Variants in LARGE1 observed in about 807,000 individuals in gnomAD.
LARGE1 encodes the protein LARGE xylosyl- and glucuronyltransferase 1.
A neutral mutation model predicts 87.6 loss-of-function variants in LARGE1; 43 were observed. The ratio of observed to expected loss-of-function variants is 0.49; its 90% CI spans 0.38 to 0.63. The LOEUF (loss-of-function observed/expected upper bound fraction) is 0.63. Ranked by LOEUF, LARGE1 falls within the 30% of genes least tolerant of loss-of-function variation. The pLI is 0.00. For synonymous variants in LARGE1, 434 were observed against 394.6 expected, an observed-to-expected ratio of 1.10 and a Z score of -1.18; for missense variants, 802 against 1,000.2, an observed-to-expected ratio of 0.80 and a Z score of 2.67.
At chr22:33,116,757 G>A in the LARGE1 span, among the ~76,000 whole-genome samples, 10,652 of 152,218 alleles carry the variant, frequency 0.07, 522 homozygotes, top group Middle Eastern at 0.17. Flanking sequence ...TTTTTAGCAC[G>A]CTGTGAGGTT....
At chr22:33,182,232 T>A (rs890856309) in intron 11 of LARGE1, among the ~76,000 whole-genome samples, 45 of 152,148 alleles carry the variant, frequency 3.0e-4, no homozygotes, top group African/African-American at 1.1e-3. Flanking sequence ...AATATTTGAG[T>A]TTAGAATTTT....
intron 11 of LARGE1, among the ~76,000 whole-genome samples, chr22:33,167,047 T>C (rs919527218): frequency 6.6e-6 from 1 of 152,208 alleles, no homozygotes; most frequent in Admixed American, 6.5e-5. Context: ...GTGAATGTAA[T>C]TCCAAAAGCA....
chr22:33,560,347 G>A (rs2077818086), intron 6 of LARGE1, among the ~76,000 whole-genome samples: 1 of 152,142 alleles, frequency 6.6e-6, no homozygotes, highest in African/African-American at 2.4e-5. Context: ...CCAGTGGCAT[G>A]GCACATCTGC....
At chr22:33,403,669 T>G (rs1371367033) in intron 7 of LARGE1, among the ~76,000 whole-genome samples, 1 of 152,090 alleles carries the variant, frequency 6.6e-6, no homozygotes, top group East Asian at 1.9e-4. Flanking sequence ...AGTGGCGCGA[T>G]CTCGGCTCAC....
chr22:33,231,231 G>T (rs1453672024), intron 11 of LARGE1, among the ~76,000 whole-genome samples: 1 of 152,158 alleles, frequency 6.6e-6, no homozygotes, highest in Non-Finnish European at 1.5e-5. Context: ...AATCATGCAA[G>T]CCACGTGCCC....
At position 33,216,991 on chromosome 22, in the gene LARGE1, T is replaced by C. The variant is rs148308652; in HGVS notation, c.1731-50159A>G. On this transcript the variant is annotated intron_variant, in intron 11 of 11. Transcript: ENST00000608642. Reference sequence around the variant, plus strand: ...CAATAAGCATTTCACCCTTCTAAGATTGGCAAAAGTTAAAACGTCGGACAG... The same window carrying C: ...CAATAAGCATTTCACCCTTCTAAGACTGGCAAAAGTTAAAACGTCGGACAG... Among the ~76,000 whole-genome samples, 15 of 152,252 alleles carry C rather than the reference T, an allele frequency of 9.9e-5. 1 individual carries two copies. The highest frequency in any genetic ancestry group is 9.7e-4 in the East Asian group (5 of 5,176).
chr22:33,396,084 G>A (rs1169110852), intron 7 of LARGE1, among the ~76,000 whole-genome samples: 1 of 152,168 alleles, frequency 6.6e-6, no homozygotes, highest in Non-Finnish European at 1.5e-5. Context: ...ATGAAGATTT[G>A]CTCCTTAGTC....
chr22:33,817,479 A>T (rs1427113948), intron 1 of LARGE1, among the ~76,000 whole-genome samples: 1 of 151,874 alleles, frequency 6.6e-6, no homozygotes, highest in Non-Finnish European at 1.5e-5. Flanking sequence ...CGTGGGGCAG[A>T]CCCCACAACC....
At chr22:33,853,938 G>T (rs1027663553) in intron 1 of LARGE1, among the ~76,000 whole-genome samples, 14 of 152,118 alleles carry the variant, frequency 9.2e-5, no homozygotes, top group African/African-American at 3.4e-4. Flanking sequence ...AAGCAAATGC[G>T]AAAGTGAAAC....
chr22:33,207,918 A>C (rs1017592442), intron 11 of LARGE1, among the ~76,000 whole-genome samples: 1 of 152,162 alleles, frequency 6.6e-6, no homozygotes, highest in East Asian at 1.9e-4. Flanking sequence ...TAAAGGCACA[A>C]TTACTCCATA....
At chr22:33,448,038 G>A (rs1014534879) in intron 6 of LARGE1, among the ~76,000 whole-genome samples, 1 of 151,870 alleles carries the variant, frequency 6.6e-6, no homozygotes, top group South Asian at 2.1e-4. Flanking sequence ...TGATATATTC[G>A]GAATAGCCAA....
chr22:33,252,906 C>T (rs904565788), intron 11 of LARGE1, among the ~76,000 whole-genome samples: 2 of 152,148 alleles, frequency 1.3e-5, no homozygotes, highest in East Asian at 1.9e-4. Context: ...TGGTCTTTGA[C>T]CAAAGTGTGA....
Position 33,650,611 on chromosome 22 carries a change from G to T in LARGE1, c.164C>A (p.Thr55Lys), listed in dbSNP as rs766363552. ...LESQAHSPRYTASSQRERESL... is the reference protein window; with the variant it reads ...LESQAHSPRYKASSQRERESL... The stretch of plus-strand genomic sequence containing the variant: ...CTCGCGCTCCCGCTGGCTGGAGGCC[G>T]TGTACCTGGGGCTGTGTGCCTGGGA... The change falls in exon 3 of 15, where the codon ACG (threonine) becomes AAG (lysine). Residue 55 changes from threonine (T) to lysine (K), a missense_variant. Coordinates refer to ENST00000397394, the MANE Select transcript of LARGE1 (RefSeq NM_133642.5). The T allele has an allele frequency of 4.4e-6, 7 of 1,604,222 alleles. No homozygotes were observed. Among genetic ancestry groups the T allele is most frequent in the Non-Finnish European group, 5.1e-6 (6 of 1,179,938 alleles).
chr22:33,200,391 G>A (rs1236962529), intron 11 of LARGE1, among the ~76,000 whole-genome samples: 3 of 152,174 alleles, frequency 2.0e-5, no homozygotes, highest in African/African-American at 7.2e-5. Context: ...CGTCGCTGGT[G>A]GGAATGTAAA....
intron 6 of LARGE1, among the ~76,000 whole-genome samples, chr22:33,508,841 G>C (rs1333267075): frequency 1.3e-5 from 2 of 152,156 alleles, no homozygotes; most frequent in Non-Finnish European, 2.9e-5. Flanking sequence ...ATATGGCAGG[G>C]AAGTGTGGGA....
the LARGE1 span, among the ~76,000 whole-genome samples, chr22:33,138,978 C>T: frequency 6.6e-6 from 1 of 152,016 alleles, no homozygotes; most frequent in South Asian, 2.1e-4. Flanking sequence ...ATGCTGTTCT[C>T]GTGATAGTGA....
At chr22:33,798,871 C>G (rs141450538) in intron 1 of LARGE1, among the ~76,000 whole-genome samples, 1 of 152,144 alleles carries the variant, frequency 6.6e-6, no homozygotes, top group Non-Finnish European at 1.5e-5. Context: ...AAATGGAGCA[C>G]GAGCACATAC....
chr22:33,865,302 C>A (rs922880813), intron 1 of LARGE1, among the ~76,000 whole-genome samples: 2 of 152,226 alleles, frequency 1.3e-5, no homozygotes, highest in Non-Finnish European at 2.9e-5. Context: ...TTCAGCCGGA[C>A]CTTCTCTTCT....
At chr22:33,659,482 A>G (rs181235905) in intron 2 of LARGE1, among the ~76,000 whole-genome samples, 130 of 152,314 alleles carry the variant, frequency 8.5e-4, no homozygotes, top group African/African-American at 3.0e-3. Context: ...TTTTCTAGGC[A>G]GTTTATAAGT....
Sources: allele counts gnomAD v4.1 joint callset (sites outside exome capture counted in the v4.1 genomes callset), GRCh38; gene constraint gnomAD v4.1.1; transcripts MANE v1.5; gene names NCBI Gene and HGNC (gene_info 2026-07-23, HGNC 2026-07-21).